The following BTBD7 variants were observed in gnomAD, a reference collection of about 807,000 sequenced individuals.
BTBD7 encodes BTB domain containing 7, also known as BTB/POZ domain-containing protein 7.
BTBD7 carries 38 observed loss-of-function variants against 99.9 expected under a neutral mutation model. That is an observed-to-expected ratio of 0.38 (90% CI 0.29 to 0.50). The LOEUF (loss-of-function observed/expected upper bound fraction) is 0.50. Ranked by LOEUF, BTBD7 falls within the 20% of genes least tolerant of loss-of-function variation. The pLI, the probability that BTBD7 is intolerant of heterozygous loss-of-function variation, is 0.93. For missense variants in BTBD7, 1,170 were observed against 1,394.6 expected, an observed-to-expected ratio of 0.84 and a Z score of 2.57; for synonymous variants, 520 against 511.4, an observed-to-expected ratio of 1.02 and a Z score of -0.23.
At chr14:93,328,347 G>T (rs370887922) in intron 1 of BTBD7, among the ~76,000 whole-genome samples, 1 of 152,108 alleles carries the variant, frequency 6.6e-6, no homozygotes. Flanking sequence ...CACACTTCTT[G>T]ATTTCAAAAG....
chr14:93,282,037 T>C (rs1363503853), intron 3 of BTBD7, among the ~76,000 whole-genome samples: 1 of 152,236 alleles, frequency 6.6e-6, no homozygotes, highest in African/African-American at 2.4e-5. Flanking sequence ...GAAGTTCATC[T>C]TTTGATCTGT....
At chr14:93,324,421 C>CAAAAAAAAAATAA (rs71301935) in intron 1 of BTBD7, among the ~76,000 whole-genome samples, 22,479 of 89,156 alleles carry the variant, frequency 0.25, 1,930 homozygotes, top group East Asian at 0.35. Flanking sequence ...GACCCTGTCT[C>CAAAAAAAAAATAA]AAAAAAAAAA....
intron 3 of BTBD7, among the ~76,000 whole-genome samples, chr14:93,272,071 C>A (rs1226753481): frequency 6.6e-6 from 1 of 152,074 alleles, no homozygotes; most frequent in Non-Finnish European, 1.5e-5. Context: ...GTAATCCCAG[C>A]ACTTTGGGAG....
intron 8 of BTBD7, among the ~76,000 whole-genome samples, chr14:93,251,252 T>C (rs1033136000): frequency 2.0e-5 from 3 of 152,134 alleles, no homozygotes; most frequent in Admixed American, 1.3e-4. Flanking sequence ...AACTCAAGGG[T>C]AAACTGATAA....
At position 93,258,687 on chromosome 14, in the gene BTBD7, C is replaced by T. The variant is rs1001738541; in HGVS notation, c.1448-1332G>A. ...GCAACCTCCACCTCCTGGGTTCAAG[C>T]GATTCTCCTGCCTCAGCCTCCCAAG... On this transcript the variant is annotated intron_variant, in intron 5 of 10. Transcript: ENST00000334746. 1.4e-4 allele frequency among the ~76,000 whole-genome samples: 21 copies of T among 152,246 alleles called. 1 individual carries two copies. The highest frequency in any genetic ancestry group is 1.9e-4 in the African/African-American group (8 of 41,552).
intron 3 of BTBD7, among the ~76,000 whole-genome samples, chr14:93,279,809 T>A (rs1470601981): frequency 6.6e-6 from 1 of 152,182 alleles, no homozygotes. Context: ...TGGCACACAG[T>A]AAGAGCTCAA....
intron 1 of BTBD7, among the ~76,000 whole-genome samples, chr14:93,325,426 C>T (rs2053319533): frequency 6.4e-5 from 8 of 125,200 alleles, no homozygotes. Context: ...TCGTGTCTGG[C>T]CTGTTTTTTA....
intron 1 of BTBD7, among the ~76,000 whole-genome samples, chr14:93,299,696 A>C (rs1019401189): frequency 6.6e-6 from 1 of 152,100 alleles, no homozygotes; most frequent in Non-Finnish European, 1.5e-5. Context: ...TGAATGCAAG[A>C]AAGACTAAAC....
chr14:93,297,519 C>T (rs1356509929), intron 1 of BTBD7, among the ~76,000 whole-genome samples: 1 of 152,126 alleles, frequency 6.6e-6, no homozygotes, highest in African/African-American at 2.4e-5. Flanking sequence ...GATGGGGTTT[C>T]ACCATGTTGG....
At chr14:93,317,532 A>G (rs189790847) in intron 1 of BTBD7, among the ~76,000 whole-genome samples, 1 of 152,308 alleles carries the variant, frequency 6.6e-6, no homozygotes, top group Admixed American at 6.5e-5. Context: ...TTAGGAAAGA[A>G]AACAACGGTG....
intron 1 of BTBD7, among the ~76,000 whole-genome samples, chr14:93,320,163 G>GT (rs1054278628): frequency 1.3e-5 from 2 of 152,188 alleles, no homozygotes; most frequent in African/African-American, 4.8e-5. Flanking sequence ...GTCTGAAAAG[G>GT]TAAGTGTGAG....
At chr14:93,297,442 C>T (rs2052942792) in intron 1 of BTBD7, among the ~76,000 whole-genome samples, 1 of 152,186 alleles carries the variant, frequency 6.6e-6, no homozygotes, top group Non-Finnish European at 1.5e-5. Flanking sequence ...CCTGCCTCAG[C>T]CTCCTGAGTA....
At chr14:93,316,797 T>C (rs1293585841) in intron 1 of BTBD7, among the ~76,000 whole-genome samples, 1 of 152,172 alleles carries the variant, frequency 6.6e-6, no homozygotes, top group African/African-American at 2.4e-5. Flanking sequence ...AAAGTGATCA[T>C]AATATTGCTG....
rs143104911 is a variant in BTBD7 at position 93,243,236 on chromosome 14, C to T, written c.2584-148G>A. 4,353 of 739,632 alleles carry T rather than the reference C, an allele frequency of 5.9e-3. 150 individuals are homozygous for T. The African/African-American group carries it at 0.07, about 12-fold the overall frequency. The allele number at this position is 739,632 out of a possible 1,614,324, so 45.8% of individuals were successfully genotyped here. On this transcript the variant is annotated intron_variant, in intron 10 of 10. Transcript: ENST00000334746. ...TGAGACAGAGTCTCGCTCTGTCGCC[C>T]GGGCTGGAGTGCAGTGGTGCGATCT...
chr14:93,294,742 C>T lies in BTBD7; in HGVS notation c.278G>A (p.Trp93Ter), dbSNP rs2052903394. ...TAATGCATTGACATCTCTAACATCC[C>T]ACCCAGAGAGGAGTTCTCGCATCTG... ...AKQMRELLSG[W>*]DVRDVNALVE... The change falls in exon 3 of 11, where the codon TGG (tryptophan) becomes TAG (stop). Residue 93 changes from tryptophan to a stop codon, truncating the protein, a stop_gained. Coordinates refer to ENST00000334746, the MANE Select transcript of BTBD7 (RefSeq NM_001002860.4). LOFTEE classifies it high-confidence loss of function. 6.2e-7 allele frequency: 1 copy of T among 1,613,868 alleles called. No homozygotes were observed. Among genetic ancestry groups the T allele is most frequent in the Non-Finnish European group, 8.5e-7 (1 of 1,180,018 alleles).
In BTBD7 at chr14:93,261,609, T is replaced by C. The variant is rs746476983; in HGVS notation, c.1440A>G (p.Ala480=). 1.2e-6 allele frequency: 2 copies of C among 1,611,332 alleles called. No homozygotes were observed. Among genetic ancestry groups the C allele is most frequent in the Non-Finnish European group, 1.7e-6 (2 of 1,178,542 alleles). The part of the protein sequence containing the change: ...WGEHQLMKRI[A]DREPNLLSGT... ...CTAATTTTCGGAGCTTACCTCTATCTGCTATTCTTTTCATCAACTGATGCT... is the reference window on the plus strand; with the variant it reads ...CTAATTTTCGGAGCTTACCTCTATCCGCTATTCTTTTCATCAACTGATGCT... The change falls in exon 5 of 11, where the codon GCA becomes GCG. Residue 480 remains alanine (A), a synonymous_variant. Transcript: ENST00000334746.
intron 1 of BTBD7, among the ~76,000 whole-genome samples, chr14:93,324,015 G>T (rs1428089714): frequency 6.6e-6 from 1 of 152,148 alleles, no homozygotes; most frequent in Admixed American, 6.5e-5. Context: ...TTATAATACA[G>T]GGCAATAAAG....
intron 3 of BTBD7, among the ~76,000 whole-genome samples, chr14:93,290,145 G>A (rs1221441696): frequency 5.3e-5 from 8 of 150,670 alleles, no homozygotes; most frequent in Non-Finnish European, 1.5e-5. Context: ...TTGAGCCACC[G>A]CACCTGGCAC....
rs924504311 is a variant in BTBD7, at chr14:93,239,097, C to T, written c.*3176G>A. On this transcript the variant is annotated 3_prime_UTR_variant, in exon 11 of 11. Coordinates refer to ENST00000334746, the MANE Select transcript of BTBD7 (RefSeq NM_001002860.4). Reference sequence around the variant, plus strand: ...TGAGAACGGGCGTGGAAAATTGAAACAATTACGTTTCAAATACTTTTTGCC... The same window carrying T: ...TGAGAACGGGCGTGGAAAATTGAAATAATTACGTTTCAAATACTTTTTGCC... 3 of 152,190 alleles carry T rather than the reference C, an allele frequency of 2.0e-5. No homozygotes were observed. Among genetic ancestry groups the T allele is most frequent in the African/African-American group, 7.2e-5 (3 of 41,422 alleles). 9.4% of individuals were successfully genotyped at this position (152,190 alleles called of 1,614,324 possible).
Sources: allele counts gnomAD v4.1 joint callset (sites outside exome capture counted in the v4.1 genomes callset), GRCh38; gene constraint gnomAD v4.1.1; transcripts MANE v1.5; gene names NCBI Gene and HGNC (gene_info 2026-07-23, HGNC 2026-07-21).